The following OPCML variants were observed in gnomAD, a reference collection of about 807,000 sequenced individuals.
OPCML encodes the protein opioid-binding protein/cell adhesion molecule.
In OPCML, 13 loss-of-function variants were observed where a neutral mutation model predicts 37.8. The ratio of observed to expected loss-of-function variants is 0.34; its 90% CI spans 0.22 to 0.55. The LOEUF (loss-of-function observed/expected upper bound fraction) is 0.55. Among genes scored for constraint, OPCML ranks in the 20% least tolerant of loss-of-function variants. OPCML has a pLI of 0.91. For missense variants in OPCML, 341 were observed against 435.6 expected (o/e 0.78, Z 1.93); for synonymous variants, 176 against 168.8 (o/e 1.04, Z -0.33).
intron 1 of OPCML, among the ~76,000 whole-genome samples, chr11:133,256,731 GC>G (rs773428805): frequency 4.6e-5 from 7 of 152,138 alleles, no homozygotes; most frequent in African/African-American, 7.2e-5. Flanking sequence ...CACATAAATA[GC>G]TTTAAATTAG....
At chr11:133,277,976 G>A (rs985592748) in intron 1 of OPCML, among the ~76,000 whole-genome samples, 8 of 152,134 alleles carry the variant, frequency 5.3e-5, no homozygotes, top group African/African-American at 1.7e-4. Context: ...CTTGCTCCAG[G>A]TTAATGGCTA....
intron 2 of OPCML, among the ~76,000 whole-genome samples, chr11:132,865,862 T>C (rs917423484): frequency 1.3e-5 from 2 of 152,064 alleles, no homozygotes; most frequent in African/African-American, 4.8e-5. Flanking sequence ...CCCCTGAGAG[T>C]ACTTTATCCA....
intron 2 of OPCML, among the ~76,000 whole-genome samples, chr11:132,852,903 T>C (rs1273752937): frequency 2.0e-5 from 3 of 149,520 alleles, no homozygotes; most frequent in Non-Finnish European, 1.5e-5. Flanking sequence ...TAAAAGGTTG[T>C]TAAAAAAAAA....
chr11:133,017,591 G>T (rs551972863), intron 1 of OPCML, among the ~76,000 whole-genome samples: 1 of 152,072 alleles, frequency 6.6e-6, no homozygotes, highest in Non-Finnish European at 1.5e-5. Context: ...GTTTCTCCAT[G>T]TGGGTCAGGC....
At chr11:132,457,536 G>A (rs996914752) in intron 4 of OPCML, among the ~76,000 whole-genome samples, 1 of 152,200 alleles carries the variant, frequency 6.6e-6, no homozygotes, top group Admixed American at 6.5e-5. Flanking sequence ...GGAGGAGGCA[G>A]GTGGTAAAGA....
chr11:133,014,770 T>A (rs1285874343), intron 1 of OPCML, among the ~76,000 whole-genome samples: 1 of 152,198 alleles, frequency 6.6e-6, no homozygotes, highest in East Asian at 1.9e-4. Flanking sequence ...AACACAAATA[T>A]TTCTCAGGCT....
intron 1 of OPCML, among the ~76,000 whole-genome samples, chr11:133,126,274 C>G (rs1051725785): frequency 6.6e-6 from 1 of 152,092 alleles, no homozygotes; most frequent in Non-Finnish European, 1.5e-5. Flanking sequence ...TCAGCTCAAA[C>G]AGAAGCACAT....
chr11:133,383,426 C>T (rs77740460), intron 1 of OPCML, among the ~76,000 whole-genome samples: 3,965 of 152,230 alleles, frequency 0.026, 165 homozygotes, highest in African/African-American at 0.086. Flanking sequence ...TGAGTGAAGA[C>T]GGGAATCGGG....
At chr11:133,014,221 T>C (rs1207226438) in intron 1 of OPCML, among the ~76,000 whole-genome samples, 1 of 152,140 alleles carries the variant, frequency 6.6e-6, no homozygotes, top group African/African-American at 2.4e-5. Context: ...TTGAAGATGC[T>C]ATGTAAGTTG....
intron 2 of OPCML, among the ~76,000 whole-genome samples, chr11:132,815,385 C>T (rs1462347196): frequency 1.3e-5 from 2 of 152,180 alleles, no homozygotes; most frequent in Non-Finnish European, 2.9e-5. Flanking sequence ...AGGGGCTACA[C>T]AAACATGTAA....
At chr11:132,857,783 G>A (rs985580012) in intron 2 of OPCML, among the ~76,000 whole-genome samples, 4 of 152,110 alleles carry the variant, frequency 2.6e-5, no homozygotes, top group African/African-American at 9.7e-5. Flanking sequence ...GAATTAAAAA[G>A]CATTGATTTT....
chr11:132,617,100 G>A (rs10791240), intron 3 of OPCML, among the ~76,000 whole-genome samples: 45,391 of 152,110 alleles, frequency 0.3, 8,266 homozygotes, highest in Non-Finnish European at 0.41. Flanking sequence ...AGTCCTACTC[G>A]AAACATTCTA....
chr11:132,474,249 C>G (rs2136974522), intron 4 of OPCML, among the ~76,000 whole-genome samples: 1 of 151,842 alleles, frequency 6.6e-6, no homozygotes, highest in South Asian at 2.1e-4. Flanking sequence ...GCTTTGCTCC[C>G]CAGGTCAATT....
chr11:132,876,332 A>G (rs1943011761), intron 2 of OPCML, among the ~76,000 whole-genome samples: 1 of 152,016 alleles, frequency 6.6e-6, no homozygotes, highest in Admixed American at 6.6e-5. Flanking sequence ...TATCCTAGCA[A>G]CTCCTGAGAG....
intron 2 of OPCML, among the ~76,000 whole-genome samples, chr11:132,819,615 G>A (rs1475119931): frequency 6.6e-6 from 1 of 152,194 alleles, no homozygotes; most frequent in African/African-American, 2.4e-5. Flanking sequence ...TATTCAACAT[G>A]CTGCCATTAC....
intron 4 of OPCML, among the ~76,000 whole-genome samples, chr11:132,469,319 T>C (rs1052260466): frequency 6.6e-6 from 1 of 152,154 alleles, no homozygotes; most frequent in Non-Finnish European, 1.5e-5. Flanking sequence ...AGAATTTTCG[T>C]GAGACTAGAG....
intron 2 of OPCML, among the ~76,000 whole-genome samples, chr11:132,771,004 T>C (rs1228321157): frequency 6.6e-6 from 1 of 152,158 alleles, no homozygotes; most frequent in Non-Finnish European, 1.5e-5. Flanking sequence ...TTCCACCTCT[T>C]GTTATTCTTG....
rs368181891 is a variant in OPCML, at chr11:133,072,389, C to T, written c.62-129379G>A. 1.6e-4 allele frequency among the ~76,000 whole-genome samples: 24 copies of T among 152,192 alleles called. 1 individual carries two copies. The East Asian group carries it at 2.7e-3, about 17-fold the overall frequency. On this transcript the variant is annotated intron_variant, in intron 1 of 7. Transcript: ENST00000524381. ...ACATTTAAAATAACTCAAAAGGCAA[C>T]GACAGCATAATTCCCCTGTAAGTTG...
intron 2 of OPCML, among the ~76,000 whole-genome samples, chr11:132,825,589 A>G (rs144425475): frequency 1.3e-5 from 2 of 152,348 alleles, no homozygotes; most frequent in Non-Finnish European, 2.9e-5. Context: ...AAGACATTCA[A>G]TAAATGGCCT....
Sources: allele counts gnomAD v4.1 joint callset (sites outside exome capture counted in the v4.1 genomes callset), GRCh38; gene constraint gnomAD v4.1.1; transcripts MANE v1.5; gene names NCBI Gene and HGNC (gene_info 2026-07-23, HGNC 2026-07-21).